TBC1D12: variants seen among roughly 807,000 people sequenced by gnomAD.
TBC1D12 encodes the protein TBC1 domain family, member 12.
In TBC1D12, 56 loss-of-function variants were observed where a neutral mutation model predicts 86.7. The observed-to-expected ratio is 0.65, with a 90% CI of 0.52 to 0.81. The LOEUF is 0.81. Ranked by LOEUF, TBC1D12 falls within the 30% of genes least tolerant of loss-of-function variation. TBC1D12 has a pLI of 0.00. For synonymous variants in TBC1D12, 421 were observed against 411.7 expected (o/e 1.02, Z -0.27); for missense variants, 1,023 against 1,038.8 (o/e 0.98, Z 0.21).
At position 94,501,787 on chromosome 10, in the gene TBC1D12, A is replaced by G. The variant is rs111892412; in HGVS notation, c.1519+1460A>G. ...GGTCTCAAACTCCTGGCCTCAAGTG[A>G]TCCACTTGCCTCAGCCTCCCAAAGT... is the stretch of plus-strand genomic sequence containing the variant. On this transcript the variant is annotated intron_variant, in intron 6 of 12. Coordinates refer to ENST00000225235, the MANE Select transcript of TBC1D12 (RefSeq NM_015188.2). Among the ~76,000 whole-genome samples the G allele has an allele frequency of 4.8e-3, 733 of 151,848 alleles. 6 individuals carry two copies. Among genetic ancestry groups the G allele is most frequent in the African/African-American group, 0.017 (700 of 41,468 alleles).
At chr10:94,435,434 T>C (rs1038576682) in intron 1 of TBC1D12, among the ~76,000 whole-genome samples, 3 of 152,226 alleles carry the variant, frequency 2.0e-5, no homozygotes, top group African/African-American at 7.2e-5. Flanking sequence ...TTACTCTGTT[T>C]TTAGTTTGTG....
intron 12 of TBC1D12, among the ~76,000 whole-genome samples, 179 bp downstream of exon 12, chr10:94,531,639 CTTATT>C (rs1202906270): frequency 0.16 from 19,552 of 121,734 alleles, 2,072 homozygotes; most frequent in East Asian, 0.38. Flanking sequence ...AAACATAGGG[CTTATT>C]TTATTTTATT....
intron 2 of TBC1D12, among the ~76,000 whole-genome samples, chr10:94,450,053 A>G (rs2055526346): frequency 6.6e-6 from 1 of 152,198 alleles, no homozygotes; most frequent in South Asian, 2.1e-4. Context: ...AACTTGAAGG[A>G]CAGAATTCTT....
At position 94,497,104 on chromosome 10, in the gene TBC1D12, G is replaced by A; in HGVS notation, c.1344G>A (p.Lys448=). ...AAAGAATCATGAAAGAACGATTTAA[G>A]CAGGAAGAAAATATTGCAAGTGCAA... ...KRKRIMKERF[K]QEENIASAMV... The change falls in exon 5 of 13, where the codon AAG becomes AAA. Residue 448 remains lysine, a synonymous_variant. Coordinates refer to ENST00000225235, the MANE Select transcript of TBC1D12 (RefSeq NM_015188.2). 1.3e-6 allele frequency: 2 copies of A among 1,567,192 alleles called. No homozygotes were observed. Among genetic ancestry groups the A allele is most frequent in the Non-Finnish European group, 1.7e-6 (2 of 1,163,940 alleles).
intron 2 of TBC1D12, among the ~76,000 whole-genome samples, chr10:94,465,934 A>C (rs760392399): frequency 3.3e-5 from 5 of 151,142 alleles, no homozygotes; most frequent in Non-Finnish European, 5.9e-5. Flanking sequence ...ATGCGTATAT[A>C]TGTATATACG....
chr10:94,531,540 G>C, intron 12 of TBC1D12, 80 bp downstream of exon 12: 1 of 1,389,006 alleles, frequency 7.2e-7, no homozygotes, highest in Non-Finnish European at 9.4e-7. Flanking sequence ...TTTCTTAAAA[G>C]TTAGTACTTA....
chr10:94,431,738 C>A (rs942571512), intron 1 of TBC1D12, among the ~76,000 whole-genome samples: 1 of 152,182 alleles, frequency 6.6e-6, no homozygotes, highest in Admixed American at 6.5e-5. Context: ...GCAGGTCTTT[C>A]CTGTGGGGAT....
At chr10:94,522,770 T>C (rs1437694812) in intron 11 of TBC1D12, among the ~76,000 whole-genome samples, 1 of 151,896 alleles carries the variant, frequency 6.6e-6, no homozygotes, top group Non-Finnish European at 1.5e-5. Flanking sequence ...AAAAACTTAG[T>C]CTTGGCCAGG....
At chr10:94,528,737 T>G (rs1050843245) in intron 11 of TBC1D12, among the ~76,000 whole-genome samples, 11 of 150,840 alleles carry the variant, frequency 7.3e-5, no homozygotes, top group Non-Finnish European at 8.9e-5. Flanking sequence ...CATGAGAATC[T>G]CTTGAACCCG....
chr10:94,405,205 C>T (rs1252556201), intron 1 of TBC1D12, among the ~76,000 whole-genome samples: 11 of 151,960 alleles, frequency 7.2e-5, no homozygotes, highest in Admixed American at 7.2e-4. Context: ...TGTTTTTCTA[C>T]CTTTTCGGGG....
At chr10:94,422,597 A>T (rs773555835) in intron 1 of TBC1D12, among the ~76,000 whole-genome samples, 10 of 151,988 alleles carry the variant, frequency 6.6e-5, no homozygotes, top group Non-Finnish European at 7.4e-5. Flanking sequence ...TTTTTAAGAG[A>T]TAGAGTCTTG....
chr10:94,494,206 A>G (rs1321713531), intron 4 of TBC1D12, among the ~76,000 whole-genome samples: 1 of 152,102 alleles, frequency 6.6e-6, no homozygotes, highest in Non-Finnish European at 1.5e-5. Context: ...GGATAATTTA[A>G]TGGTGTTTAT....
At chr10:94,458,330 G>A (rs543361225) in intron 2 of TBC1D12, among the ~76,000 whole-genome samples, 12 of 152,246 alleles carry the variant, frequency 7.9e-5, no homozygotes, top group African/African-American at 1.9e-4. Context: ...TCTATAGAGC[G>A]TCCCCATCAG....
intron 2 of TBC1D12, among the ~76,000 whole-genome samples, chr10:94,464,172 G>A (rs1382661877): frequency 6.6e-6 from 1 of 151,924 alleles, no homozygotes; most frequent in Non-Finnish European, 1.5e-5. Flanking sequence ...ATAGCATATA[G>A]TTGGGTCTTG....
intron 1 of TBC1D12, among the ~76,000 whole-genome samples, chr10:94,421,478 T>C (rs1278807000): frequency 6.6e-6 from 1 of 152,252 alleles, no homozygotes; most frequent in Non-Finnish European, 1.5e-5. Flanking sequence ...TAATGCTGCA[T>C]TTGAACATGA....
At chr10:94,514,719 A>G (rs1262888779) in intron 9 of TBC1D12, among the ~76,000 whole-genome samples, 7 of 152,154 alleles carry the variant, frequency 4.6e-5, no homozygotes, top group Non-Finnish European at 1.0e-4. Context: ...GTAGTGCTGT[A>G]ATGAACATGG....
At chr10:94,493,174 A>C (rs1045161997) in intron 3 of TBC1D12, among the ~76,000 whole-genome samples, 191 bp from the exon 4 acceptor site, 25 of 146,718 alleles carry the variant, frequency 1.7e-4, no homozygotes, top group Admixed American at 1.6e-3. Context: ...ACACACACAC[A>C]CCACATATTA....
At chr10:94,474,461 G>T (rs2055956365) in intron 2 of TBC1D12, among the ~76,000 whole-genome samples, 1 of 151,490 alleles carries the variant, frequency 6.6e-6, no homozygotes, top group South Asian at 2.1e-4. Flanking sequence ...CCAAGTGCTG[G>T]AATTATAGGC....
chr10:94,526,306 T>C (rs952080595), intron 11 of TBC1D12, among the ~76,000 whole-genome samples: 2 of 151,844 alleles, frequency 1.3e-5, no homozygotes, highest in Non-Finnish European at 2.9e-5. Flanking sequence ...CATGGTGGCA[T>C]CACCTGTAGT....
Sources: gnomAD v4.1 joint callset for allele counts (sites outside exome capture counted in the v4.1 genomes callset) on GRCh38, gnomAD v4.1.1 for gene constraint, MANE v1.5 for transcripts, NCBI Gene and HGNC (gene_info 2026-07-23, HGNC 2026-07-21) for gene names.